The following SHPK variants were observed in gnomAD, a reference collection of about 807,000 sequenced individuals.
The protein encoded by SHPK is carbohydrate kinase-like protein.
SHPK carries 51 observed loss-of-function variants against 46.3 expected under a neutral mutation model. That is an observed-to-expected ratio of 1.10 (90% confidence interval 0.88 to 1.39). The LOEUF (loss-of-function observed/expected upper bound fraction) is 1.39, where lower values mean the gene tolerates loss of function less well. Among genes scored for constraint, SHPK ranks in the 40% most tolerant of loss-of-function variants. The pLI is 0.00. For missense variants in SHPK, 668 were observed against 641.3 expected, an observed-to-expected ratio of 1.04 and a Z score of -0.45; for synonymous variants, 290 against 273.9, an observed-to-expected ratio of 1.06 and a Z score of -0.58.
intron 5 of SHPK, among the ~76,000 whole-genome samples, chr17:3,618,864 C>T (rs984816206): frequency 6.6e-6 from 1 of 152,092 alleles, no homozygotes; most frequent in Non-Finnish European, 1.5e-5. Flanking sequence ...CTGCTGTGAA[C>T]ATCTGTGTAC....
intron 2 of SHPK, 78 bp from the exon 3 acceptor site, chr17:3,624,309 GGTGA>G: frequency 7.6e-7 from 1 of 1,314,750 alleles, no homozygotes; most frequent in African/African-American, 1.5e-5. Context: ...CTACTCTGCT[GGTGA>G]GTGACAAAAT....
chr17:3,613,506 T>C (rs1356471885), intron 6 of SHPK, among the ~76,000 whole-genome samples: 1 of 152,074 alleles, frequency 6.6e-6, no homozygotes. Context: ...GTAGCTGGAA[T>C]TACAAGCGTG....
At chr17:3,615,228 G>T in intron 6 of SHPK, 109 bp downstream of exon 6, 1 of 1,041,776 alleles carries the variant, frequency 9.6e-7, no homozygotes, top group Non-Finnish European at 1.5e-6. Flanking sequence ...CAGGGTCTGA[G>T]ACCTCAATGT....
chr17:3,621,229 A>G lies in SHPK; in HGVS notation c.823+8T>C. 1 of 1,598,912 alleles carries G rather than the reference A, an allele frequency of 6.3e-7. No individual in the cohort carries two copies. Among genetic ancestry groups the G allele is most frequent in the South Asian group, 1.1e-5 (1 of 89,324 alleles). ...TAAGTCTGAGGACAGAACAAAAGAA[A>G]AACTTACCTGCATCTGTCCTCTGGG... On this transcript the variant is annotated splice_region_variant and intron_variant, in intron 5 of 6. Transcript: ENST00000225519.
intron 2 of SHPK, among the ~76,000 whole-genome samples, chr17:3,624,776 C>A (rs2075423506): frequency 6.6e-6 from 1 of 152,120 alleles, no homozygotes; most frequent in Non-Finnish European, 1.5e-5. Context: ...GCTTCAGCCT[C>A]CCGAGTAGCT....
chr17:3,613,334 GGGTGTGGTCAGT>G (rs2075352113), intron 6 of SHPK, among the ~76,000 whole-genome samples: 1 of 152,186 alleles, frequency 6.6e-6, no homozygotes, highest in African/African-American at 2.4e-5. Context: ...AGTATTTCCA[GGGTGTGGTCAGT>G]GCCAAGACCC....
chr17:3,613,305 C>T lies in SHPK; in HGVS notation c.1024+2032G>A, dbSNP rs185056913. 4.1e-3 allele frequency among the ~76,000 whole-genome samples: 593 copies of T among 145,224 alleles called. 2 individuals carry two copies. Among genetic ancestry groups the T allele is most frequent in the African/African-American group, 0.016 (553 of 34,642 alleles). ...TTCTGGGCGTGGGACCAGGATGCAACGATGTTTTTAAACTCCACAGTATTT... is the reference window on the plus strand; with the variant it reads ...TTCTGGGCGTGGGACCAGGATGCAATGATGTTTTTAAACTCCACAGTATTT... On this transcript the variant is annotated intron_variant, in intron 6 of 6. Transcript: ENST00000225519.
chr17:3,633,140 G>C (rs368093612), intron 1 of SHPK, among the ~76,000 whole-genome samples: 21 of 151,224 alleles, frequency 1.4e-4, no homozygotes, highest in Non-Finnish European at 2.7e-4. Context: ...CACCACGCCC[G>C]GCTAATTTTT....
intron 1 of SHPK, among the ~76,000 whole-genome samples, chr17:3,631,188 G>GC (rs1231358116): frequency 6.6e-6 from 1 of 152,100 alleles, no homozygotes; most frequent in Non-Finnish European, 1.5e-5. Context: ...GGGAAGCACA[G>GC]CCTTTTCCTA....
chr17:3,625,107 T>C (rs2075425618), intron 2 of SHPK, among the ~76,000 whole-genome samples: 1 of 152,194 alleles, frequency 6.6e-6, no homozygotes, highest in African/African-American at 2.4e-5. Context: ...TTCCAGGCAG[T>C]GTCTGAAGGC....
At chr17:3,622,727 AAG>A (rs1386840508) in intron 4 of SHPK, 1 of 266,698 alleles carries the variant, frequency 3.7e-6, no homozygotes, top group African/African-American at 2.7e-5. Flanking sequence ...TTTTTGAGAC[AAG>A]AGTCTCGCTC....
intron 1 of SHPK, 119 bp from the exon 2 acceptor site, chr17:3,630,465 C>T (rs161360): frequency 0.4 from 424,385 of 1,064,448 alleles, 89,396 homozygotes; most frequent in East Asian, 0.68. Context: ...CCTAACTTCA[C>T]AGTTGAGGCA....
chr17:3,624,516 T>C (rs2075421568), intron 2 of SHPK, among the ~76,000 whole-genome samples: 1 of 152,154 alleles, frequency 6.6e-6, no homozygotes, highest in Admixed American at 6.6e-5. Context: ...TCTCAGAAGA[T>C]GTTTGGCACA....
chr17:3,631,877 A>G (rs1163526905), intron 1 of SHPK, among the ~76,000 whole-genome samples: 2 of 152,044 alleles, frequency 1.3e-5, no homozygotes, highest in Non-Finnish European at 2.9e-5. Context: ...TAAATAAAAT[A>G]TGCAATTAAA....
Position 3,630,344 on chromosome 17 carries a change from C to T in SHPK, c.171G>A (p.Gly57=), listed in dbSNP as rs775630274. ...GGATTCTACTCACATCCTGCTCCCG[C>T]CCCTGGAAGCAAAAGAGAACACATG... ...AVESAVAGPQ[G]REQDVSRILQ... Residue 57 remains glycine (G), a splice_region_variant and synonymous_variant, in exon 2 of 7, where the codon GGG becomes GGA. Transcript: ENST00000225519. The T allele has an allele frequency of 3.7e-6, 6 of 1,607,072 alleles. No homozygotes were observed. The highest frequency in any genetic ancestry group is 5.1e-6 in the Non-Finnish European group (6 of 1,175,960).
chr17:3,628,143 G>A (rs1333167797), intron 2 of SHPK, among the ~76,000 whole-genome samples: 1 of 152,104 alleles, frequency 6.6e-6, no homozygotes, highest in Non-Finnish European at 1.5e-5. Flanking sequence ...TCCATGTAGA[G>A]AGGGATGAAT....
At position 3,629,557 on chromosome 17, in the gene SHPK, G is replaced by A. The variant is rs1017214222; in HGVS notation, c.310+648C>T. On this transcript the variant is annotated intron_variant, in intron 2 of 6. Transcript: ENST00000225519. ...AGCCTGGCCAACATGGTGAAACCCC[G>A]TCTCTACTAAAAATACAAAAATTAG... is the stretch of plus-strand genomic sequence containing the variant. Among the ~76,000 whole-genome samples, 18 of 151,850 alleles carry A rather than the reference G, an allele frequency of 1.2e-4. 3 individuals carry two copies. Among genetic ancestry groups the A allele is most frequent in the Admixed American group, 3.3e-4 (5 of 15,236 alleles).
At chr17:3,626,443 C>T (rs2075437767) in intron 2 of SHPK, among the ~76,000 whole-genome samples, 1 of 152,082 alleles carries the variant, frequency 6.6e-6, no homozygotes, top group South Asian at 2.1e-4. Flanking sequence ...TCATCGGGCG[C>T]AGTGGCTCAC....
chr17:3,620,986 A>G (rs2075396861), intron 5 of SHPK, among the ~76,000 whole-genome samples: 1 of 152,152 alleles, frequency 6.6e-6, no homozygotes, highest in Non-Finnish European at 1.5e-5. Context: ...CGTTTCTCTC[A>G]CCCAGCCCCA....
Sources: gnomAD v4.1 joint callset for allele counts (sites outside exome capture counted in the v4.1 genomes callset) on GRCh38, gnomAD v4.1.1 for gene constraint, MANE v1.5 for transcripts, NCBI Gene and HGNC (gene_info 2026-07-23, HGNC 2026-07-21) for gene names.